AKAP9: variants seen among roughly 807,000 people sequenced by gnomAD.
AKAP9 encodes the protein A-kinase anchor protein 9.
AKAP9 carries 311 observed loss-of-function variants against 488.5 expected under a neutral mutation model. The ratio of observed to expected loss-of-function variants is 0.64; its 90% CI spans 0.58 to 0.70. AKAP9 has a LOEUF of 0.70. AKAP9 is among the 30% of genes least tolerant of loss of function. The pLI is 0.00. For missense variants in AKAP9, 4,215 were observed against 4,374.5 expected, an observed-to-expected ratio of 0.96 and a Z score of 1.03; for synonymous variants, 1,462 against 1,483.5, an observed-to-expected ratio of 0.99 and a Z score of 0.33.
chr7:91,954,242 C>T (rs1275552255), intron 1 of AKAP9, among the ~76,000 whole-genome samples: 2 of 152,252 alleles, frequency 1.3e-5, no homozygotes, highest in African/African-American at 4.8e-5. Context: ...GGATGAGTCT[C>T]CAAATCTGTT....
intron 12 of AKAP9, among the ~76,000 whole-genome samples, chr7:92,018,894 A>G (rs561663338): frequency 2.6e-5 from 4 of 152,336 alleles, no homozygotes; most frequent in African/African-American, 9.6e-5. Context: ...GTATATCTCA[A>G]TCAGCATATT....
At position 92,022,350 on chromosome 7, in the gene AKAP9, T is replaced by C. The variant is rs199773513; in HGVS notation, c.3950T>C (p.Ile1317Thr). Residue 1317 changes from isoleucine (I) to threonine (T), a missense_variant and splice_region_variant, in exon 13 of 50, where the codon ATT becomes ACT. Physicochemically the swap from Ile to Thr is moderately conservative, Grantham distance 89 (BLOSUM62 -1). This residue lies in a region of AKAP9 where 2,361 missense variants were observed against 2,430.0 expected (regional missense o/e 0.97). Coordinates refer to ENST00000356239, the MANE Select transcript of AKAP9 (RefSeq NM_005751.5). The part of the protein sequence containing the change: ...IHSQMTNLED[I>T]DVNHKSKLSS... ...TCTCAGATGACCAATTTGGAAGACATTGGTAAATTTTGATCATATACCACA... is the reference window on the plus strand; with the variant it reads ...TCTCAGATGACCAATTTGGAAGACACTGGTAAATTTTGATCATATACCACA... 1.4e-5 allele frequency: 22 copies of C among 1,588,660 alleles called. No homozygotes were observed. The highest frequency in any genetic ancestry group is 1.8e-5 in the Non-Finnish European group (21 of 1,157,096).
intron 14 of AKAP9, among the ~76,000 whole-genome samples, chr7:92,028,936 A>G (rs1165967147): frequency 6.6e-6 from 1 of 152,186 alleles, no homozygotes; most frequent in African/African-American, 2.4e-5. Flanking sequence ...GTTTAGTTAT[A>G]TAAGTTATGA....
chr7:92,055,229 C>CA (rs1457970809), intron 22 of AKAP9, among the ~76,000 whole-genome samples: 1 of 151,654 alleles, frequency 6.6e-6, no homozygotes, highest in African/African-American at 2.4e-5. Flanking sequence ...TATATTTTCT[C>CA]AAAAAAAGGA....
intron 22 of AKAP9, among the ~76,000 whole-genome samples, chr7:92,054,764 G>C (rs1808503035): frequency 6.6e-6 from 1 of 152,022 alleles, no homozygotes; most frequent in African/African-American, 2.4e-5. Context: ...GCTTGGACAG[G>C]CTACCATACA....
chr7:92,093,930 A>C, intron 39 of AKAP9, among the ~76,000 whole-genome samples: 1 of 151,906 alleles, frequency 6.6e-6, no homozygotes, highest in East Asian at 1.9e-4. Flanking sequence ...GGCTCACTGC[A>C]ACCTCCACCA....
At chr7:92,041,071 CT>C in intron 18 of AKAP9, 173 bp downstream of exon 18, 1 of 590,212 alleles carries the variant, frequency 1.7e-6, no homozygotes, top group Non-Finnish European at 3.0e-6. Context: ...ACACTCTATA[CT>C]AAGACAGCAG....
Position 92,070,134 on chromosome 7 carries a change from A to G in AKAP9, c.6435A>G (p.Glu2145=), listed in dbSNP as rs779462089. 2 of 1,614,142 alleles carry G rather than the reference A, an allele frequency of 1.2e-6. No homozygotes were observed. Among genetic ancestry groups the G allele is most frequent in the South Asian group, 2.2e-5 (2 of 91,080 alleles). ...LQRDIQERNE[E]IEKLEFRVRE... ...GGGATATACAAGAAAGGAATGAAGAAATAGAGAAACTGGAGTTCAGAGTAA... is the reference window on the plus strand; with the variant it reads ...GGGATATACAAGAAAGGAATGAAGAGATAGAGAAACTGGAGTTCAGAGTAA... Residue 2145 remains glutamate, a synonymous_variant, in exon 27 of 50, where the codon GAA becomes GAG. Coordinates refer to ENST00000356239, the MANE Select transcript of AKAP9 (RefSeq NM_005751.5).
chr7:92,030,775 C>A (rs549316060), intron 15 of AKAP9, among the ~76,000 whole-genome samples: 157 of 151,200 alleles, frequency 1.0e-3, no homozygotes, highest in African/African-American at 3.8e-3. Flanking sequence ...TGCATGCCAT[C>A]TAACTAAACC....
At chr7:91,969,654 A>T (rs1381079473) in intron 1 of AKAP9, among the ~76,000 whole-genome samples, 1 of 152,214 alleles carries the variant, frequency 6.6e-6, no homozygotes, top group Non-Finnish European at 1.5e-5. Flanking sequence ...TTATCATTAT[A>T]TAATGACCTT....
Position 92,066,609 on chromosome 7 carries a change from A to G in AKAP9, c.6330+63A>G, listed in dbSNP as rs1584399816. 4 of 1,585,868 alleles carry G rather than the reference A, an allele frequency of 2.5e-6. No homozygotes were observed. In the East Asian group the frequency reaches 6.7e-5, roughly 27 times the overall value. Reference sequence around the variant, plus strand: ...TTGTATCAAGTGTAAAATAAGATGCATATCATTAAAAACTTAAAAGTGGAT... The same window carrying G: ...TTGTATCAAGTGTAAAATAAGATGCGTATCATTAAAAACTTAAAAGTGGAT... On this transcript the variant is annotated intron_variant, in intron 26 of 49. Coordinates refer to ENST00000356239, the MANE Select transcript of AKAP9 (RefSeq NM_005751.5).
chr7:92,031,755 T>G (rs1804285571), intron 16 of AKAP9, 151 bp downstream of exon 16: 1 of 627,048 alleles, frequency 1.6e-6, no homozygotes, highest in African/African-American at 1.9e-5. Context: ...ATAGTTGCCT[T>G]TAAACAAAAT....
rs1286402843 is a variant in AKAP9, at chr7:92,022,867, CTTG to C, written c.4007_4009del (p.Leu1336_Glu1337delinsGln). On this transcript the variant is annotated inframe_deletion, in exon 14 of 50. Coordinates refer to ENST00000356239, the MANE Select transcript of AKAP9 (RefSeq NM_005751.5). ...TCTGCAAGATCTTGAAAAAACTAAA[CTTG>C]AAGAACAAGTTCAAGAATTAGAAAG... 3 of 1,610,630 alleles carry C rather than the reference CTTG, an allele frequency of 1.9e-6. No homozygotes were observed. In the African/African-American group the frequency reaches 4.0e-5, roughly 22 times the overall value.
intron 28 of AKAP9, among the ~76,000 whole-genome samples, chr7:92,075,120 G>A (rs1463874216): frequency 6.6e-6 from 1 of 152,002 alleles, no homozygotes; most frequent in Non-Finnish European, 1.5e-5. Context: ...AGTGTGGGGT[G>A]TGACATGGCA....
chr7:92,084,500 A>C, intron 33 of AKAP9, 140 bp from the exon 34 acceptor site: 1 of 632,676 alleles, frequency 1.6e-6, no homozygotes, highest in Non-Finnish European at 2.7e-6. Flanking sequence ...GTTAAAAAAA[A>C]AAACCATGAA....
At chr7:92,022,101 G>A in intron 12 of AKAP9, 137 bp from the exon 13 acceptor site, 1 of 708,146 alleles carries the variant, frequency 1.4e-6, no homozygotes, top group Non-Finnish European at 2.6e-6. Context: ...ACTTAGAAGG[G>A]AAAATGCTTG....
intron 20 of AKAP9, chr7:92,043,161 T>C (rs1185738980): frequency 2.0e-5 from 4 of 198,240 alleles, no homozygotes; most frequent in Non-Finnish European, 2.8e-5. Context: ...AACTTTGTTT[T>C]GTTCAAATGA....
At chr7:92,054,573 C>G (rs999050583) in intron 22 of AKAP9, among the ~76,000 whole-genome samples, 1 of 151,944 alleles carries the variant, frequency 6.6e-6, no homozygotes, top group African/African-American at 2.4e-5. Context: ...TATTCACTGG[C>G]AAAATTTTTG....
chr7:91,985,641 T>G lies in AKAP9; in HGVS notation c.351+5308T>G, dbSNP rs370369678. 4.1e-4 allele frequency among the ~76,000 whole-genome samples: 63 copies of G among 152,184 alleles called. 1 individual carries two copies. In the South Asian group the frequency reaches 0.013, roughly 32 times the overall value. On this transcript the variant is annotated intron_variant, in intron 3 of 49. Transcript: ENST00000356239. ...CTGGCCTCATTTAAGTTAGGGAGGA[T>G]TCCCCCACCCCCTTTCTTTTTTCTG...
Sources: allele counts gnomAD v4.1 joint callset (sites outside exome capture counted in the v4.1 genomes callset), GRCh38; gene constraint gnomAD v4.1.1; regional missense constraint gnomAD v4.1.1; transcripts MANE v1.5; gene names NCBI Gene and HGNC (gene_info 2026-07-23, HGNC 2026-07-21).